TBC1D16: variants seen among roughly 807,000 people sequenced by gnomAD.
TBC1D16 encodes TBC1 domain family member 16, also known as CTD-2529O21.1.
In TBC1D16, 58 loss-of-function variants were observed where a neutral mutation model predicts 74.7. The ratio of observed to expected loss-of-function variants is 0.78; its 90% CI spans 0.63 to 0.97. TBC1D16 has a LOEUF of 0.97. Ranked by LOEUF, TBC1D16 falls within the 50% of genes least tolerant of loss-of-function variation. The probability of loss-of-function intolerance (pLI) is 0.00; values close to 1 mark genes in which losing one functional copy is unlikely to be tolerated. For synonymous variants in TBC1D16, 493 were observed against 474.7 expected (o/e 1.04, Z -0.50); for missense variants, 1,014 against 1,079.5 (o/e 0.94, Z 0.85).
intron 1 of TBC1D16, among the ~76,000 whole-genome samples, chr17:80,032,619 C>T (rs1179809072): frequency 6.6e-6 from 1 of 152,174 alleles, no homozygotes; most frequent in Non-Finnish European, 1.5e-5. Flanking sequence ...AAAAACACTG[C>T]CGCTGAGGTG....
chr17:79,951,549 G>C lies in TBC1D16; in HGVS notation c.990C>G (p.Ser330Arg), dbSNP rs769638758. The change falls in exon 5 of 12, where the codon AGC becomes AGG. Residue 330 changes from serine (S) to arginine (R), a missense_variant. Ser to Arg is a moderately radical substitution (Grantham distance 110). Transcript: ENST00000310924. ...SGQLVVASRE[S>R]QYKVFHFHHG... ...GGTGGAAGTGGAAAACCTTGTACTG[G>C]CTCTCTCGGCTGGCAACGACCAGCT... 1 of 1,614,008 alleles carries C rather than the reference G, an allele frequency of 6.2e-7. No individual in the cohort carries two copies. Among genetic ancestry groups the C allele is most frequent in the South Asian group, 1.1e-5 (1 of 91,074 alleles).
Position 79,949,107 on chromosome 17 carries a change from TC to T in TBC1D16, c.1407-102del, listed in dbSNP as rs557263871. 1.5e-4 allele frequency: 230 copies of T among 1,504,118 alleles called. 2 individuals carry two copies. The East Asian group carries it at 5.2e-3, about 34-fold the overall frequency. The allele number at this position is 1,504,118 out of a possible 1,614,324, so 93.2% of individuals were successfully genotyped here. ...AGCCACCCTTCCTCCCAACCCCCGT[TC>T]CCTGGACGGGAGCTGGGCGGCTGCT... On this transcript the variant is annotated intron_variant, in intron 7 of 11. Coordinates refer to ENST00000310924, the MANE Select transcript of TBC1D16 (RefSeq NM_019020.4).
At chr17:79,943,723 G>T in intron 10 of TBC1D16, 1 of 828,678 alleles carries the variant, frequency 1.2e-6, no homozygotes, top group Non-Finnish European at 1.5e-6. Flanking sequence ...CCTCCCGCTG[G>T]AATTCTGACT....
intron 1 of TBC1D16, among the ~76,000 whole-genome samples, chr17:80,024,728 C>G (rs1270764347): frequency 1.4e-5 from 2 of 147,684 alleles, no homozygotes; most frequent in Non-Finnish European, 1.5e-5. Context: ...TCACACCACA[C>G]ATACACCAGA....
At chr17:79,951,313 CA>C in intron 5 of TBC1D16, 136 bp downstream of exon 5, 4 of 1,115,398 alleles carry the variant, frequency 3.6e-6, no homozygotes, top group Non-Finnish European at 5.0e-6. Context: ...CTCTGACGGC[CA>C]AAAACTACCG....
At position 79,949,878 on chromosome 17, in the gene TBC1D16, G is replaced by C. The variant is rs754704483; in HGVS notation, c.1258-13C>G. 7.5e-6 allele frequency: 12 copies of C among 1,609,556 alleles called. No individual in the cohort carries two copies. The highest frequency in any genetic ancestry group is 5.0e-5 in the Admixed American group (3 of 59,732). ...CAAAGAAAATGGCCTGGAGGAAGCG[G>C]CAAAAGTTGGGGAGGGGATAAAATG... On this transcript the variant is annotated splice_polypyrimidine_tract_variant and intron_variant, in intron 6 of 11. Coordinates refer to ENST00000310924, the MANE Select transcript of TBC1D16 (RefSeq NM_019020.4).
At chr17:80,029,772 A>T (rs2036711936) in intron 1 of TBC1D16, among the ~76,000 whole-genome samples, 1 of 152,114 alleles carries the variant, frequency 6.6e-6, no homozygotes, top group African/African-American at 2.4e-5. Flanking sequence ...ACACAAACTT[A>T]CCAGCTACAA....
Position 79,981,920 on chromosome 17 carries a change from C to G in TBC1D16, c.779+28240G>C, listed in dbSNP as rs1019593512. On this transcript the variant is annotated intron_variant, in intron 3 of 11. Coordinates refer to ENST00000310924, the MANE Select transcript of TBC1D16 (RefSeq NM_019020.4). This position sits in a 1 kb window ranked among gnomAD's most constrained non-coding sequence, Gnocchi z 6.9. ...GGGCTTCCCTGTGCGCACACACACA[C>G]GCACACACACACACATGCACATGTA... 6.6e-6 allele frequency among the ~76,000 whole-genome samples: 1 copy of G among 152,198 alleles called. No individual in the cohort carries two copies. The highest frequency in any genetic ancestry group is 2.4e-5 in the African/African-American group (1 of 41,440).
chr17:79,943,796 C>G, intron 10 of TBC1D16: 1 of 1,270,186 alleles, frequency 7.9e-7, no homozygotes, highest in Non-Finnish European at 1.0e-6. Flanking sequence ...TGCCGGGCCA[C>G]GCGCTGAGTT....
intron 3 of TBC1D16, among the ~76,000 whole-genome samples, chr17:79,977,514 A>C (rs886870806): frequency 2.6e-5 from 4 of 152,224 alleles, no homozygotes; most frequent in African/African-American, 9.6e-5. Flanking sequence ...CTTGCCCCAC[A>C]GGGCCTGGCA....
chr17:80,033,158 T>C (rs1295649950), intron 1 of TBC1D16, among the ~76,000 whole-genome samples: 1 of 152,210 alleles, frequency 6.6e-6, no homozygotes, highest in African/African-American at 2.4e-5. Context: ...CAAATAACGG[T>C]CATTAATAAC....
In TBC1D16 at chr17:80,010,198, G is replaced by T. The variant is rs370904572; in HGVS notation, c.741C>A (p.Ala247=). 1 of 1,612,536 alleles carries T rather than the reference G, an allele frequency of 6.2e-7. No homozygotes were observed. The highest frequency in any genetic ancestry group is 1.1e-5 in the South Asian group (1 of 90,890). The change falls in exon 3 of 12, where the codon GCC becomes GCA. Residue 247 remains alanine (A), a synonymous_variant. Transcript: ENST00000310924. This position sits in a 1 kb window ranked among gnomAD's most constrained non-coding sequence, Gnocchi z 8.8. ...FCLSPISAAL[A]ESRGSVFLES... ...CCAGAAACACGGAGCCGCGGCTCTC[G>T]GCCAGCGCCGCGCTGATGGGCGAGA...
rs1380752412 is a variant in TBC1D16 at position 80,035,059 on chromosome 17, A to G, written c.-63+736T>C. ...GTTATGTCTTTTCTATTCATTTCCT[A>G]TTTCTGAATCAAATCTGAACTACTT... On this transcript the variant is annotated intron_variant, in intron 1 of 11. Coordinates refer to ENST00000310924, the MANE Select transcript of TBC1D16 (RefSeq NM_019020.4). The surrounding 1 kb of genome is among the most constrained non-coding windows in gnomAD (Gnocchi z 5.3). Among the ~76,000 whole-genome samples, 1 of 152,130 alleles carries G rather than the reference A, an allele frequency of 6.6e-6. No individual in the cohort carries two copies. Among genetic ancestry groups the G allele is most frequent in the Non-Finnish European group, 1.5e-5 (1 of 68,010 alleles).
chr17:79,958,173 C>T (rs1230156456), intron 3 of TBC1D16, among the ~76,000 whole-genome samples: 1 of 150,086 alleles, frequency 6.7e-6, no homozygotes, highest in Non-Finnish European at 1.5e-5. Context: ...GGGAAACAGA[C>T]ATTCTCATTC....
intron 1 of TBC1D16, among the ~76,000 whole-genome samples, chr17:80,018,178 CA>C (rs535459874): frequency 0.15 from 13,107 of 86,148 alleles, 587 homozygotes; most frequent in Middle Eastern, 0.26. Flanking sequence ...TTCTGGTAAG[CA>C]AAAAAAAAAA....
chr17:79,979,373 C>G lies in TBC1D16; in HGVS notation c.780-26555G>C, dbSNP rs2034481070. On this transcript the variant is annotated intron_variant, in intron 3 of 11. Coordinates refer to ENST00000310924, the MANE Select transcript of TBC1D16 (RefSeq NM_019020.4). This position sits in a 1 kb window ranked among gnomAD's most constrained non-coding sequence, Gnocchi z 4.8. ...GACCCCAGCAGAGGGATCAAGGGCT[C>G]AGGCATCCCCAGTGCCGCCAATCAC... is the stretch of plus-strand genomic sequence containing the variant. 6.6e-6 allele frequency among the ~76,000 whole-genome samples: 1 copy of G among 152,196 alleles called. No homozygotes were observed. Among genetic ancestry groups the G allele is most frequent in the Non-Finnish European group, 1.5e-5 (1 of 68,042 alleles).
chr17:79,971,199 T>C lies in TBC1D16; in HGVS notation c.780-18381A>G, dbSNP rs1356211948. Among the ~76,000 whole-genome samples, 2 of 152,000 alleles carry C rather than the reference T, an allele frequency of 1.3e-5. No homozygotes were observed. Among genetic ancestry groups the C allele is most frequent in the Admixed American group, 6.6e-5 (1 of 15,254 alleles). ...CACCAAGCCCGGCTAATTTGTGTAT[T>C]TTTAGTAGAGATGGGGTTTCACCAT... On this transcript the variant is annotated intron_variant, in intron 3 of 11. Transcript: ENST00000310924. The surrounding 1 kb of genome is among the most constrained non-coding windows in gnomAD (Gnocchi z 4.6).
rs1344821396 is a variant in TBC1D16 at position 79,986,055 on chromosome 17, A to G, written c.779+24105T>C. ...CTGGTGTCTGCTTTGAAAGGTCCTG[A>G]CTAGAATCTGTTTATATTTTGACTG... On this transcript the variant is annotated intron_variant, in intron 3 of 11. Coordinates refer to ENST00000310924, the MANE Select transcript of TBC1D16 (RefSeq NM_019020.4). The surrounding 1 kb of genome is among the most constrained non-coding windows in gnomAD (Gnocchi z 6.0). Among the ~76,000 whole-genome samples, 2 of 152,216 alleles carry G rather than the reference A, an allele frequency of 1.3e-5. No homozygotes were observed. Among genetic ancestry groups the G allele is most frequent in the South Asian group, 2.1e-4 (1 of 4,836 alleles).
chr17:79,974,598 T>C (rs2034251943), intron 3 of TBC1D16, among the ~76,000 whole-genome samples: 9 of 152,194 alleles, frequency 5.9e-5, no homozygotes, highest in Admixed American at 5.9e-4. Flanking sequence ...AAAGCAAAGC[T>C]GCAGTGAGGG....
Sources: allele counts gnomAD v4.1 joint callset (sites outside exome capture counted in the v4.1 genomes callset), GRCh38; gene constraint gnomAD v4.1.1; non-coding constraint Gnocchi (gnomAD v3.1); transcripts MANE v1.5; gene names NCBI Gene and HGNC (gene_info 2026-07-23, HGNC 2026-07-21).